PTPN11: variants seen among roughly 807,000 people sequenced by gnomAD.
PTPN11 encodes the protein protein tyrosine phosphatase non-receptor type 11, also known as tyrosine-protein phosphatase non-receptor type 11.
A neutral mutation model predicts 78.8 loss-of-function variants in PTPN11; 6 were observed. The observed-to-expected ratio is 0.08, with a 90% CI of 0.04 to 0.15. PTPN11 has a LOEUF of 0.15. Ranked by LOEUF, PTPN11 falls within the 10% of genes least tolerant of loss-of-function variation. The pLI is 1.00. For missense variants in PTPN11, 386 were observed against 744.8 expected (o/e 0.52, Z 5.61); for synonymous variants, 221 against 263.5 (o/e 0.84, Z 1.56).
At chr12:112,503,514 G>A (rs2038901731) in intron 14 of PTPN11, among the ~76,000 whole-genome samples, 1 of 152,192 alleles carries the variant, frequency 6.6e-6, no homozygotes, top group Admixed American at 6.5e-5. Flanking sequence ...AAATTATACA[G>A]CAGAGGTATT....
intron 1 of PTPN11, among the ~76,000 whole-genome samples, chr12:112,435,647 GT>G (rs552552504): frequency 0.032 from 4,363 of 135,692 alleles, 51 homozygotes; most frequent in Non-Finnish European, 0.035. Context: ...TAGGATTAAG[GT>G]TTTTTTTTTT....
intron 5 of PTPN11, among the ~76,000 whole-genome samples, chr12:112,455,130 T>C (rs1182212872): frequency 6.6e-6 from 1 of 152,090 alleles, no homozygotes; most frequent in Admixed American, 6.6e-5. Context: ...CTAAATCTTT[T>C]CTTATTATGA....
rs978315686 is a variant in PTPN11, at chr12:112,509,542, G to T, written c.*3750G>T. 6.6e-6 allele frequency: 1 copy of T among 152,580 alleles called. No homozygotes were observed. The highest frequency in any genetic ancestry group is 2.4e-5 in the African/African-American group (1 of 41,434). The allele number at this position is 152,580 out of a possible 1,614,324, so 9.5% of individuals were successfully genotyped here. ...GAAGTATTGTACCAGAGTATTAAAA[G>T]ATATGTAATATTTTATTGATAAATC... On this transcript the variant is annotated 3_prime_UTR_variant, in exon 16 of 16. Transcript: ENST00000351677.
At chr12:112,481,952 G>C in intron 9 of PTPN11, 122 bp from the exon 10 acceptor site, 1 of 1,090,682 alleles carries the variant, frequency 9.2e-7, no homozygotes, top group Non-Finnish European at 1.4e-6. Flanking sequence ...TAACAGATGC[G>C]AAACAGGCCA....
At chr12:112,459,493 G>A (rs1053346509) in intron 6 of PTPN11, among the ~76,000 whole-genome samples, 13 of 150,998 alleles carry the variant, frequency 8.6e-5, no homozygotes, top group Non-Finnish European at 1.8e-4. Flanking sequence ...TTGAGATGGA[G>A]TCTCACTCTG....
intron 6 of PTPN11, among the ~76,000 whole-genome samples, chr12:112,458,635 C>T (rs898067220): frequency 1.3e-5 from 2 of 152,174 alleles, no homozygotes; most frequent in Non-Finnish European, 2.9e-5. Context: ...CCAGGCTTCG[C>T]GTTAGGCTCT....
chr12:112,501,030 G>C (rs1014743352), intron 13 of PTPN11, among the ~76,000 whole-genome samples: 7 of 152,076 alleles, frequency 4.6e-5, no homozygotes, highest in Non-Finnish European at 8.8e-5. Context: ...TCAGCCTCCC[G>C]AGTAGCTGGG....
intron 9 of PTPN11, among the ~76,000 whole-genome samples, chr12:112,480,777 T>G (rs1013062737): frequency 6.6e-6 from 1 of 152,246 alleles, no homozygotes; most frequent in African/African-American, 2.4e-5. Context: ...ATTTCCAGTT[T>G]TATAGCTGTA....
chr12:112,486,323 C>A, intron 10 of PTPN11, 152 bp from the exon 11 acceptor site: 2 of 792,768 alleles, frequency 2.5e-6, no homozygotes, highest in Admixed American at 2.1e-5. Context: ...CAAAAGGAGA[C>A]GAGTTCTGGG....
At chr12:112,489,307 C>CT in intron 13 of PTPN11, 132 bp downstream of exon 13, 1 of 1,050,472 alleles carries the variant, frequency 9.5e-7, no homozygotes, top group South Asian at 1.3e-5. Context: ...AAACTCCCAA[C>CT]TAAAAGGGCC....
At chr12:112,440,612 T>C (rs1489743074) in intron 1 of PTPN11, among the ~76,000 whole-genome samples, 1 of 132,642 alleles carries the variant, frequency 7.5e-6, no homozygotes, top group African/African-American at 2.8e-5. Context: ...CTCGCTTTGT[T>C]GCCTAGGCTG....
chr12:112,478,072 G>A (rs2135902296), intron 9 of PTPN11, 57 bp downstream of exon 9: 1 of 1,584,952 alleles, frequency 6.3e-7, no homozygotes. Flanking sequence ...AGACATGTCA[G>A]ATTGGCCATG....
chr12:112,441,964 A>T (rs2037898411), intron 1 of PTPN11, among the ~76,000 whole-genome samples: 1 of 151,618 alleles, frequency 6.6e-6, no homozygotes, highest in African/African-American at 2.4e-5. Context: ...TTTTTAGTAG[A>T]GAGGGGGTTT....
At chr12:112,458,614 A>G (rs1037048767) in intron 6 of PTPN11, among the ~76,000 whole-genome samples, 10 of 152,318 alleles carry the variant, frequency 6.6e-5, no homozygotes, top group African/African-American at 2.4e-4. Flanking sequence ...ATTTGAGTTT[A>G]TTCTCTCATC....
chr12:112,424,004 G>A (rs920777297), intron 1 of PTPN11, among the ~76,000 whole-genome samples: 3 of 152,084 alleles, frequency 2.0e-5, no homozygotes, highest in East Asian at 3.9e-4. Context: ...TGCCTGCCTC[G>A]GCCTTCCAAA....
chr12:112,505,300 T>C (rs1190162410), intron 15 of PTPN11, among the ~76,000 whole-genome samples: 1 of 152,152 alleles, frequency 6.6e-6, no homozygotes, highest in East Asian at 1.9e-4. Flanking sequence ...AATTCATCTC[T>C]CCCATATGTT....
rs1415602777 is a variant in PTPN11 at position 112,504,697 on chromosome 12, T to C, written c.1715T>C (p.Met572Thr). 1.3e-6 allele frequency: 2 copies of C among 1,570,038 alleles called. No homozygotes were observed. Among genetic ancestry groups the C allele is most frequent in the Admixed American group, 1.7e-5 (1 of 59,908 alleles). ...CTTTCTTTTTCTTTTCTCTCCAGAA[T>C]GAGAGAAGACAGTGCTAGAGTCTAT... The part of the protein sequence containing the change: ...PCTPTPPCAE[M>T]REDSARVYEN... Residue 572 changes from methionine to threonine, a missense_variant and splice_region_variant, in exon 15 of 16, where the codon ATG becomes ACG. This residue lies in a region of PTPN11 where 44 missense variants were observed against 59.3 expected (regional missense o/e 0.74). Coordinates refer to ENST00000351677, the MANE Select transcript of PTPN11 (RefSeq NM_002834.5). This position sits in a 1 kb window ranked among gnomAD's most constrained non-coding sequence, Gnocchi z 4.7.
intron 2 of PTPN11, among the ~76,000 whole-genome samples, chr12:112,449,559 T>C (rs1306053295): frequency 6.6e-6 from 1 of 152,046 alleles, no homozygotes; most frequent in Non-Finnish European, 1.5e-5. Context: ...ATTGTATGAG[T>C]AGTAACACAA....
chr12:112,441,690 A>G (rs1431210585), intron 1 of PTPN11, among the ~76,000 whole-genome samples: 1 of 152,196 alleles, frequency 6.6e-6, no homozygotes, highest in Non-Finnish European at 1.5e-5. Context: ...ATTTCAGAGC[A>G]TTCTATTAGC....
Sources: gnomAD v4.1 joint callset for allele counts (sites outside exome capture counted in the v4.1 genomes callset) on GRCh38, gnomAD v4.1.1 for gene constraint, gnomAD v4.1.1 regional missense constraint, Gnocchi (gnomAD v3.1) non-coding constraint, MANE v1.5 for transcripts, NCBI Gene and HGNC (gene_info 2026-07-23, HGNC 2026-07-21) for gene names.